The following PACRG variants were observed in gnomAD, a reference collection of about 807,000 sequenced individuals.
PACRG encodes the protein parkin coregulated.
PACRG carries 29 observed loss-of-function variants against 29.7 expected under a neutral mutation model. The ratio of observed to expected loss-of-function variants is 0.98; its 90% CI spans 0.73 to 1.33. PACRG has a LOEUF of 1.33. Ranked by LOEUF, PACRG falls within the 40% of genes most tolerant of loss-of-function variation. The pLI is 0.00. For synonymous variants in PACRG, 116 were observed against 118.7 expected (o/e 0.98, Z 0.15); for missense variants, 279 against 316.2 (o/e 0.88, Z 0.89).
chr6:162,926,101 T>G (rs1797417710), intron 2 of PACRG, among the ~76,000 whole-genome samples: 1 of 151,988 alleles, frequency 6.6e-6, no homozygotes, highest in East Asian at 1.9e-4. Flanking sequence ...TAGCAAGGGA[T>G]GTGAAGGACC....
At chr6:163,059,217 T>G (rs1343358854) in intron 2 of PACRG, among the ~76,000 whole-genome samples, 1 of 152,254 alleles carries the variant, frequency 6.6e-6, no homozygotes, top group Admixed American at 6.5e-5. Flanking sequence ...TCTCTCTCAC[T>G]CGCTCAATCT....
chr6:162,732,828 A>C (rs1331007240), intron 1 of PACRG, among the ~76,000 whole-genome samples: 1 of 152,138 alleles, frequency 6.6e-6, no homozygotes, highest in Non-Finnish European at 1.5e-5. Flanking sequence ...GAGCTTTTGG[A>C]GCTTCCCAAT....
chr6:162,957,519 G>C, intron 2 of PACRG: 1 of 359,616 alleles, frequency 2.8e-6, no homozygotes, highest in East Asian at 5.3e-5. Flanking sequence ...GCTCGGGACA[G>C]CCTAGTTTTG....
intron 4 of PACRG, chr6:163,311,116 A>C (rs1361044836): frequency 6.6e-6 from 1 of 152,204 alleles, no homozygotes; most frequent in Non-Finnish European, 1.5e-5. Context: ...AAATGCACTT[A>C]AAATAATTCT....
At chr6:163,195,544 G>A (rs1044740298) in intron 4 of PACRG, among the ~76,000 whole-genome samples, 9 of 152,088 alleles carry the variant, frequency 5.9e-5, no homozygotes. Context: ...CTTTTCCAGC[G>A]GCGAAATCGT....
At chr6:162,901,080 A>G (rs1246112783) in intron 2 of PACRG, among the ~76,000 whole-genome samples, 1 of 152,210 alleles carries the variant, frequency 6.6e-6, no homozygotes, top group East Asian at 1.9e-4. Flanking sequence ...TACATAATAC[A>G]AACAATTTAA....
chr6:162,803,426 A>C (rs1411454238), intron 1 of PACRG, among the ~76,000 whole-genome samples: 1 of 152,184 alleles, frequency 6.6e-6, no homozygotes, highest in Admixed American at 6.5e-5. Context: ...GATGGATTTT[A>C]AGTAGATGAG....
chr6:163,242,439 G>T (rs1782541303), intron 4 of PACRG, among the ~76,000 whole-genome samples: 1 of 152,196 alleles, frequency 6.6e-6, no homozygotes, highest in South Asian at 2.1e-4. Context: ...AACTGCCCTG[G>T]ACTGGGAGAT....
chr6:163,023,171 C>T (rs766553576), intron 2 of PACRG, among the ~76,000 whole-genome samples: 35 of 152,174 alleles, frequency 2.3e-4, no homozygotes, highest in Non-Finnish European at 3.4e-4. Context: ...GTAGGAATCC[C>T]GTCACCCTGG....
chr6:163,152,593 T>A (rs1359881792), intron 4 of PACRG, among the ~76,000 whole-genome samples: 1 of 152,214 alleles, frequency 6.6e-6, no homozygotes, highest in Non-Finnish European at 1.5e-5. Context: ...CTGTCATCCT[T>A]AGTTCAGTTC....
intron 2 of PACRG, among the ~76,000 whole-genome samples, chr6:162,946,477 A>C: frequency 6.6e-6 from 1 of 152,056 alleles, no homozygotes; most frequent in East Asian, 1.9e-4. Context: ...TGGTAATAAG[A>C]TTAGATTGAA....
At chr6:162,759,844 T>G (rs1189697377) in intron 1 of PACRG, among the ~76,000 whole-genome samples, 1 of 152,238 alleles carries the variant, frequency 6.6e-6, no homozygotes, top group Non-Finnish European at 1.5e-5. Context: ...ATATTAGGAC[T>G]GTTTTTCTTA....
intron 2 of PACRG, among the ~76,000 whole-genome samples, chr6:163,039,673 CT>C (rs1459210762): frequency 2.0e-5 from 3 of 152,216 alleles, no homozygotes; most frequent in East Asian, 1.9e-4. Flanking sequence ...CATTTTGCCC[CT>C]GCCCTTGAGA....
intron 2 of PACRG, 147 bp downstream of exon 2, chr6:162,814,428 CCT>C (rs1787152271): frequency 2.2e-6 from 2 of 922,958 alleles, no homozygotes; most frequent in Non-Finnish European, 3.2e-6. Context: ...AGAAAGCCCC[CCT>C]GTGTCAGCCA....
intron 4 of PACRG, among the ~76,000 whole-genome samples, chr6:163,187,037 G>A (rs1274271068): frequency 6.6e-6 from 1 of 152,152 alleles, no homozygotes; most frequent in Non-Finnish European, 1.5e-5. Context: ...GACACCCCCC[G>A]TCCTCAAGCT....
intron 2 of PACRG, among the ~76,000 whole-genome samples, chr6:162,956,447 T>C (rs1375814385): frequency 3.9e-5 from 6 of 152,330 alleles, no homozygotes; most frequent in Middle Eastern, 3.4e-3. Flanking sequence ...GTCAATGTTA[T>C]GTTATTTGTT....
chr6:162,868,807 A>T (rs1792547819), intron 2 of PACRG, among the ~76,000 whole-genome samples: 1 of 152,204 alleles, frequency 6.6e-6, no homozygotes, highest in African/African-American at 2.4e-5. Context: ...TCACAAACCA[A>T]CACTGAATCC....
At chr6:162,877,194 A>G (rs1416902006) in intron 2 of PACRG, among the ~76,000 whole-genome samples, 2 of 152,238 alleles carry the variant, frequency 1.3e-5, no homozygotes, top group East Asian at 3.8e-4. Flanking sequence ...CCAACTGCCC[A>G]TCAGCGATAG....
intron 2 of PACRG, among the ~76,000 whole-genome samples, chr6:163,036,754 T>C (rs1442754580): frequency 1.3e-5 from 2 of 152,166 alleles, no homozygotes; most frequent in Non-Finnish European, 2.9e-5. Flanking sequence ...CACACTAAAG[T>C]AGAGGACACT....
Sources: allele counts gnomAD v4.1 joint callset (sites outside exome capture counted in the v4.1 genomes callset), GRCh38; gene constraint gnomAD v4.1.1; transcripts MANE v1.5; gene names NCBI Gene and HGNC (gene_info 2026-07-23, HGNC 2026-07-21).